The following CTNNA3 variants were observed in gnomAD, a reference collection of about 807,000 sequenced individuals.
CTNNA3 encodes catenin alpha-3.
A neutral mutation model predicts 95.7 loss-of-function variants in CTNNA3; 76 were observed. That is an observed-to-expected ratio of 0.79 (90% CI 0.66 to 0.96). CTNNA3 has a LOEUF of 0.96. Among genes scored for constraint, CTNNA3 ranks in the 40% least tolerant of loss-of-function variants. CTNNA3 has a pLI of 0.00. For missense variants in CTNNA3, 1,191 were observed against 1,089.8 expected (o/e 1.09, Z -1.31); for synonymous variants, 431 against 374.4 (o/e 1.15, Z -1.74).
chr10:66,626,388 A>G (rs1844936034), intron 9 of CTNNA3, among the ~76,000 whole-genome samples: 1 of 152,118 alleles, frequency 6.6e-6, no homozygotes, highest in African/African-American at 2.4e-5. Flanking sequence ...TAATTGTAAT[A>G]TCATGTCACC....
chr10:66,542,379 C>T (rs1841885422), intron 10 of CTNNA3, among the ~76,000 whole-genome samples: 1 of 152,028 alleles, frequency 6.6e-6, no homozygotes, highest in Non-Finnish European at 1.5e-5. Context: ...CCCAGCCATC[C>T]CATTACTGGG....
At chr10:66,742,608 C>T (rs573475430) in intron 9 of CTNNA3, among the ~76,000 whole-genome samples, 50 of 152,224 alleles carry the variant, frequency 3.3e-4, no homozygotes, top group Middle Eastern at 3.4e-3. Flanking sequence ...ATGTCTCCCC[C>T]GGACACCCAG....
rs1840804595 is a variant in CTNNA3 at position 67,311,621 on chromosome 10, A to T, written c.580-91751T>A. Among the ~76,000 whole-genome samples the T allele has an allele frequency of 2.0e-5, 3 of 152,166 alleles. No individual in the cohort carries two copies. The South Asian group carries it at 6.2e-4, about 32-fold the overall frequency. Reference sequence around the variant, plus strand: ...AAATGGGTGCATTTTATTGTATTCAAATCATACCTCAATAAAGTTGATTTT... The same window carrying T: ...AAATGGGTGCATTTTATTGTATTCATATCATACCTCAATAAAGTTGATTTT... On this transcript the variant is annotated intron_variant, in intron 5 of 17. Coordinates refer to ENST00000433211, the MANE Select transcript of CTNNA3 (RefSeq NM_013266.4).
chr10:66,672,661 G>A (rs1360266989), intron 9 of CTNNA3, among the ~76,000 whole-genome samples: 1 of 152,038 alleles, frequency 6.6e-6, no homozygotes, highest in East Asian at 1.9e-4. Flanking sequence ...TGGGAGAGGA[G>A]ACGTAAATTA....
intron 5 of CTNNA3, among the ~76,000 whole-genome samples, chr10:67,350,066 A>G (rs1185592274): frequency 6.6e-6 from 1 of 152,132 alleles, no homozygotes; most frequent in Non-Finnish European, 1.5e-5. Context: ...TCGGGCATGT[A>G]TTGAGCCCTG....
chr10:67,739,801 A>G (rs1841324710), intron 1 of CTNNA3, among the ~76,000 whole-genome samples: 1 of 152,206 alleles, frequency 6.6e-6, no homozygotes, highest in African/African-American at 2.4e-5. Context: ...GAATTGGAAA[A>G]AACTACTTTA....
intron 13 of CTNNA3, among the ~76,000 whole-genome samples, chr10:66,172,555 A>AT (rs2085488888): frequency 6.6e-6 from 1 of 151,724 alleles, no homozygotes; most frequent in South Asian, 2.1e-4. Flanking sequence ...TTTTGTTATG[A>AT]TTTTTTGATT....
chr10:67,142,614 A>C (rs971317444), intron 7 of CTNNA3, among the ~76,000 whole-genome samples: 1 of 152,228 alleles, frequency 6.6e-6, no homozygotes, highest in African/African-American at 2.4e-5. Flanking sequence ...ATTATGCTAA[A>C]AAAAATGTAC....
intron 11 of CTNNA3, among the ~76,000 whole-genome samples, chr10:66,468,614 A>G (rs1266207839): frequency 2.6e-5 from 4 of 151,860 alleles, no homozygotes; most frequent in African/African-American, 7.2e-5. Flanking sequence ...AGAAATCATA[A>G]CTTCTCAGCA....
At chr10:67,319,141 A>G (rs1687049955) in intron 5 of CTNNA3, among the ~76,000 whole-genome samples, 1 of 152,240 alleles carries the variant, frequency 6.6e-6, no homozygotes. Context: ...TGAGTCTCCA[A>G]TAAACTGTAC....
intron 10 of CTNNA3, among the ~76,000 whole-genome samples, chr10:66,571,375 A>G (rs1437961310): frequency 6.6e-6 from 1 of 152,194 alleles, no homozygotes; most frequent in Non-Finnish European, 1.5e-5. Flanking sequence ...AGCTAAACCC[A>G]TACTTTCATA....
chr10:66,676,782 C>A (rs1846871948), intron 9 of CTNNA3, among the ~76,000 whole-genome samples: 1 of 152,088 alleles, frequency 6.6e-6, no homozygotes, highest in South Asian at 2.1e-4. Flanking sequence ...CAAGCTACAG[C>A]AAGAATGGAG....
intron 7 of CTNNA3, among the ~76,000 whole-genome samples, chr10:67,176,180 G>T (rs1049766045): frequency 3.9e-5 from 6 of 152,006 alleles, no homozygotes; most frequent in Non-Finnish European, 8.8e-5. Flanking sequence ...AGATAAAAAA[G>T]AATTTATTTC....
chr10:66,245,680 G>C (rs1233312263), intron 13 of CTNNA3, among the ~76,000 whole-genome samples: 1 of 152,280 alleles, frequency 6.6e-6, no homozygotes, highest in African/African-American at 2.4e-5. Context: ...GGCAGGTCAT[G>C]CCATCATTTT....
intron 11 of CTNNA3, among the ~76,000 whole-genome samples, chr10:66,476,817 A>G (rs943335071): frequency 2.0e-5 from 3 of 152,078 alleles, no homozygotes; most frequent in Admixed American, 6.6e-5. Context: ...CTAGTTTGAT[A>G]TTAATGACTC....
intron 7 of CTNNA3, among the ~76,000 whole-genome samples, chr10:67,029,055 T>C (rs1234904464): frequency 1.3e-5 from 2 of 152,170 alleles, no homozygotes; most frequent in Non-Finnish European, 2.9e-5. Flanking sequence ...CAGGAGTATA[T>C]GTGGATGTAA....
chr10:66,502,365 AT>A (rs1006960264), intron 11 of CTNNA3, among the ~76,000 whole-genome samples: 2 of 152,076 alleles, frequency 1.3e-5, no homozygotes, highest in African/African-American at 4.8e-5. Flanking sequence ...TTCAATATGT[AT>A]TTTTTATTAT....
intron 7 of CTNNA3, among the ~76,000 whole-genome samples, chr10:67,175,137 A>G (rs1589823576): frequency 9.1e-6 from 1 of 109,344 alleles, no homozygotes; most frequent in Non-Finnish European, 1.8e-5. Context: ...AGGGAAAGGG[A>G]GGGAGGGAGG....
At chr10:67,118,909 A>G (rs1859329483) in intron 7 of CTNNA3, among the ~76,000 whole-genome samples, 1 of 151,848 alleles carries the variant, frequency 6.6e-6, no homozygotes, top group African/African-American at 2.4e-5. Context: ...CCAAAGCATC[A>G]TTTTCCGCTG....
Sources: gnomAD v4.1 joint callset for allele counts (sites outside exome capture counted in the v4.1 genomes callset) on GRCh38, gnomAD v4.1.1 for gene constraint, MANE v1.5 for transcripts, NCBI Gene and HGNC (gene_info 2026-07-23, HGNC 2026-07-21) for gene names.